The following LTBP1 variants were observed in gnomAD, a reference collection of about 807,000 sequenced individuals.
LTBP1 encodes the protein latent-transforming growth factor beta-binding protein 1.
Under a neutral mutation model 207.6 loss-of-function variants are expected in LTBP1, and 129 were observed. That is an observed-to-expected ratio of 0.62 (90% CI 0.54 to 0.72). LTBP1 has a LOEUF of 0.72. Among genes scored for constraint, LTBP1 ranks in the 30% least tolerant of loss-of-function variants. LTBP1 has a pLI of 0.00. For synonymous variants in LTBP1, 963 were observed against 833.7 expected, an observed-to-expected ratio of 1.16 and a Z score of -2.67; for missense variants, 2,281 against 2,217.2, an observed-to-expected ratio of 1.03 and a Z score of -0.58.
intron 7 of LTBP1, among the ~76,000 whole-genome samples, chr2:33,201,036 A>C (rs2089185670): frequency 6.6e-6 from 1 of 152,250 alleles, no homozygotes; most frequent in South Asian, 2.1e-4. Context: ...GTGGGACTGT[A>C]AACTAGTTCA....
chr2:33,133,450 A>G (rs1175665010), intron 4 of LTBP1, among the ~76,000 whole-genome samples: 1 of 152,152 alleles, frequency 6.6e-6, no homozygotes, highest in Non-Finnish European at 1.5e-5. Context: ...GTCTTCAGCT[A>G]CTGCTACCAT....
rs869158793 is a variant in LTBP1, at chr2:33,115,037, T to TATACACAC, written c.1033+4287_1033+4288insTACACACA. On this transcript the variant is annotated intron_variant, in intron 4 of 33. Transcript: ENST00000404816. ...ATGAAGGGATAAACAAACAGATATA[T>TATACACAC]ACACACACACACACACACACACACA... 5.8e-3 allele frequency among the ~76,000 whole-genome samples: 849 copies of TATACACAC among 145,246 alleles called. 1 individual carries two copies. The highest frequency in any genetic ancestry group is 0.011 in the South Asian group (47 of 4,438).
intron 5 of LTBP1, among the ~76,000 whole-genome samples, chr2:33,152,867 C>G (rs1157644319): frequency 6.6e-6 from 1 of 152,206 alleles, no homozygotes; most frequent in Non-Finnish European, 1.5e-5. Context: ...TTATCTCTAG[C>G]TGATAATTGA....
At chr2:33,373,542 G>C (rs1442020639) in intron 31 of LTBP1, among the ~76,000 whole-genome samples, 1 of 152,168 alleles carries the variant, frequency 6.6e-6, no homozygotes, top group East Asian at 1.9e-4. Context: ...AAGGTAGACT[G>C]TGCTATAGGG....
intron 19 of LTBP1, among the ~76,000 whole-genome samples, chr2:33,283,053 C>G (rs907501828): frequency 7.8e-6 from 1 of 127,676 alleles, no homozygotes; most frequent in South Asian, 2.6e-4. Context: ...CAGAGCAAGA[C>G]TCCATCTCAA....
chr2:33,053,353 A>G (rs1218975390), intron 3 of LTBP1, among the ~76,000 whole-genome samples: 1 of 152,200 alleles, frequency 6.6e-6, no homozygotes, highest in Non-Finnish European at 1.5e-5. Context: ...ACATTGACAC[A>G]TCATTATTCC....
At chr2:33,163,147 A>G (rs1364529103) in intron 5 of LTBP1, among the ~76,000 whole-genome samples, 1 of 152,064 alleles carries the variant, frequency 6.6e-6, no homozygotes, top group African/African-American at 2.4e-5. Flanking sequence ...ACGCCTGGCT[A>G]ATTGTATTTT....
chr2:33,120,299 C>T (rs977458885), intron 4 of LTBP1, among the ~76,000 whole-genome samples: 1 of 151,706 alleles, frequency 6.6e-6, no homozygotes, highest in African/African-American at 2.4e-5. Context: ...GTATTAAGCC[C>T]AGTACCGTAG....
chr2:32,987,147 A>G (rs949949824), intron 2 of LTBP1, among the ~76,000 whole-genome samples: 3 of 152,238 alleles, frequency 2.0e-5, no homozygotes, highest in African/African-American at 7.2e-5. Context: ...TAGGAGACGG[A>G]AAAGTAGCCC....
intron 7 of LTBP1, among the ~76,000 whole-genome samples, chr2:33,201,435 A>G (rs569575777): frequency 1.3e-5 from 2 of 149,368 alleles, no homozygotes; most frequent in African/African-American, 2.5e-5. Context: ...CAGTGAGAAC[A>G]CATGGACACA....
chr2:33,045,459 G>A (rs1210331539), intron 3 of LTBP1, among the ~76,000 whole-genome samples: 1 of 152,066 alleles, frequency 6.6e-6, no homozygotes, highest in Admixed American at 6.6e-5. Flanking sequence ...TTTGTTCTGT[G>A]CCATTGGTCT....
Position 32,947,052 on chromosome 2 carries a change from G to A in LTBP1, c.-273G>A, listed in dbSNP as rs1188092936. 1 of 275,514 alleles carries A rather than the reference G, an allele frequency of 3.6e-6. No individual in the cohort carries two copies. The highest frequency in any genetic ancestry group is 2.2e-5 in the African/African-American group (1 of 44,832). The allele number at this position is 275,514 out of a possible 1,614,324, so 17.1% of individuals were successfully genotyped here. A position where few individuals can be genotyped will look rare whatever the true frequency, so the allele number is the denominator to read the frequency against. On this transcript the variant is annotated 5_prime_UTR_variant, in exon 1 of 34. Transcript: ENST00000404816. ...GGCCGGACGCGCGGACCCTCACCTT[G>A]CGCGGCCCGCTCCCCTCGCCCCTCC...
intron 12 of LTBP1, among the ~76,000 whole-genome samples, chr2:33,257,725 A>G (rs901872964): frequency 5.3e-5 from 8 of 152,238 alleles, no homozygotes; most frequent in African/African-American, 7.2e-5. Context: ...ACAATATTCC[A>G]TGCTAATTTT....
chr2:33,387,665 C>G (rs546567425), intron 31 of LTBP1, among the ~76,000 whole-genome samples: 1 of 152,110 alleles, frequency 6.6e-6, no homozygotes, highest in South Asian at 2.1e-4. Context: ...TCGTCACCCT[C>G]ATTCCTCCAG....
intron 2 of LTBP1, among the ~76,000 whole-genome samples, chr2:32,996,715 A>G (rs1480559787): frequency 1.3e-5 from 2 of 152,168 alleles, no homozygotes; most frequent in South Asian, 2.1e-4. Context: ...TATCACCCAC[A>G]TTACACAGAT....
chr2:33,136,285 A>G (rs1012934144), intron 5 of LTBP1, among the ~76,000 whole-genome samples: 8 of 152,248 alleles, frequency 5.3e-5, no homozygotes, highest in Admixed American at 3.3e-4. Flanking sequence ...TCTAATGGGA[A>G]GTGAACTGAT....
intron 2 of LTBP1, among the ~76,000 whole-genome samples, chr2:32,989,052 G>A (rs1684023578): frequency 6.6e-6 from 1 of 152,182 alleles, no homozygotes; most frequent in Non-Finnish European, 1.5e-5. Flanking sequence ...ATTCCAGAAA[G>A]GTGGTGTTTG....
At chr2:33,197,810 T>C (rs1002999582) in intron 7 of LTBP1, among the ~76,000 whole-genome samples, 2 of 152,198 alleles carry the variant, frequency 1.3e-5, no homozygotes, top group Admixed American at 6.5e-5. Context: ...CACTGCCTCG[T>C]TGCACAAGCC....
chr2:33,230,624 C>T, intron 9 of LTBP1, among the ~76,000 whole-genome samples: 1 of 152,158 alleles, frequency 6.6e-6, no homozygotes, highest in Admixed American at 6.6e-5. Flanking sequence ...CTCCTACGTC[C>T]ATGCTGCTTT....
Sources: gnomAD v4.1 joint callset for allele counts (sites outside exome capture counted in the v4.1 genomes callset) on GRCh38, gnomAD v4.1.1 for gene constraint, MANE v1.5 for transcripts, NCBI Gene and HGNC (gene_info 2026-07-23, HGNC 2026-07-21) for gene names.